Variants in FBXO34 observed in about 807,000 individuals in gnomAD.
FBXO34 encodes the protein F-box protein 34, also known as F-box only protein 34.
In FBXO34, 12 loss-of-function variants were observed where a neutral mutation model predicts 24.5. That is an observed-to-expected ratio of 0.49 (90% CI 0.31 to 0.79). The LOEUF is 0.79. Ranked by LOEUF, FBXO34 falls within the 30% of genes least tolerant of loss-of-function variation. FBXO34 has a pLI of 0.04. For synonymous variants in FBXO34, 320 were observed against 311.9 expected (o/e 1.03, Z -0.27); for missense variants, 823 against 857.7 (o/e 0.96, Z 0.51).
the FBXO34 span, among the ~76,000 whole-genome samples, chr14:55,402,963 ATAT>A: frequency 2.7e-4 from 21 of 78,330 alleles, no homozygotes; most frequent in East Asian, 3.7e-3. Flanking sequence ...ATATATATAT[ATAT>A]ATAAATAGCT....
chr14:55,398,836 C>CT, the FBXO34 span, among the ~76,000 whole-genome samples: 1 of 150,592 alleles, frequency 6.6e-6, no homozygotes, highest in Non-Finnish European at 1.5e-5. Flanking sequence ...TGGCTTGCTG[C>CT]TTAATAAGGG....
the FBXO34 span, chr14:55,428,916 A>C: frequency 6.2e-7 from 1 of 1,614,114 alleles, no homozygotes; most frequent in South Asian, 1.1e-5. Context: ...CTGGCAGGGA[A>C]CCCAAGCTTC....
At chr14:55,323,248 TAG>T (rs1883226347) in intron 1 of FBXO34, among the ~76,000 whole-genome samples, 1 of 87,790 alleles carries the variant, frequency 1.1e-5, no homozygotes, top group Non-Finnish European at 2.0e-5. Flanking sequence ...TTTTTTTTTT[TAG>T]AGACAGAGTC....
Position 55,324,374 on chromosome 14 carries a change from A to G in FBXO34, c.-10-26007A>G, listed in dbSNP as rs1033031281. On this transcript the variant is annotated intron_variant, in intron 1 of 1. Transcript: ENST00000313833. ...GAAGGGTTGTCACCACCTTTTATCT[A>G]TTCTGAGTAGTGCTGCTATAAACAT... Among the ~76,000 whole-genome samples, 4 of 152,028 alleles carry G rather than the reference A, an allele frequency of 2.6e-5. 1 individual carries two copies. Among genetic ancestry groups the G allele is most frequent in the Non-Finnish European group, 4.4e-5 (3 of 68,020 alleles).
chr14:55,342,680 A>G (rs1264419885), intron 1 of FBXO34, among the ~76,000 whole-genome samples: 1 of 151,996 alleles, frequency 6.6e-6, no homozygotes, highest in East Asian at 1.9e-4. Context: ...ATTTTTTCCA[A>G]TTTAATAGCC....
the FBXO34 span, among the ~76,000 whole-genome samples, chr14:55,405,812 A>G: frequency 6.6e-6 from 1 of 151,576 alleles, no homozygotes; most frequent in Non-Finnish European, 1.5e-5. Context: ...AAGGAAGCAT[A>G]CAGTTTAAAA....
chr14:55,423,654 A>G, the FBXO34 span, among the ~76,000 whole-genome samples: 1 of 152,254 alleles, frequency 6.6e-6, no homozygotes, highest in Non-Finnish European at 1.5e-5. Flanking sequence ...CATAACACAC[A>G]TAAATTATGT....
chr14:55,302,268 T>C (rs950312626), intron 1 of FBXO34, among the ~76,000 whole-genome samples: 1 of 152,194 alleles, frequency 6.6e-6, no homozygotes, highest in Non-Finnish European at 1.5e-5. Context: ...TTTTTTGGAA[T>C]ATATTTCTCT....
At chr14:55,306,715 C>T (rs1428788063) in intron 1 of FBXO34, among the ~76,000 whole-genome samples, 5 of 152,142 alleles carry the variant, frequency 3.3e-5, no homozygotes, top group Admixed American at 3.3e-4. Context: ...CGCCTGTAAT[C>T]CCAGCTGTTC....
Position 55,350,699 on chromosome 14 carries a change from A to T in FBXO34, c.309A>T (p.Gly103=). ...CGATCCACCAGGGCGAAGAAGAAGG[A>T]CCACTTGATATCTGGGCTGTTGTGA... ...SATIHQGEEE[G]PLDIWAVVKP... The change falls in exon 2 of 2, where the codon GGA becomes GGT. Residue 103 remains glycine, a synonymous_variant. Transcript: ENST00000313833. The T allele has an allele frequency of 6.2e-7, 1 of 1,613,654 alleles. No individual in the cohort carries two copies. Among genetic ancestry groups the T allele is most frequent in the Non-Finnish European group, 8.5e-7 (1 of 1,179,918 alleles).
At chr14:55,281,113 G>C (rs1202106317) in intron 1 of FBXO34, among the ~76,000 whole-genome samples, 13 of 151,934 alleles carry the variant, frequency 8.6e-5, no homozygotes, top group Non-Finnish European at 1.5e-4. Flanking sequence ...ATCCCTTTGG[G>C]CATGGTAGCC....
the FBXO34 span, among the ~76,000 whole-genome samples, chr14:55,409,635 G>A: frequency 1.1e-4 from 16 of 152,108 alleles, no homozygotes; most frequent in Admixed American, 7.9e-4. Flanking sequence ...ATACCACTGC[G>A]AAGGTCCTGA....
chr14:55,410,119 T>C, the FBXO34 span, among the ~76,000 whole-genome samples: 2 of 152,248 alleles, frequency 1.3e-5, no homozygotes, highest in Non-Finnish European at 2.9e-5. Context: ...GAGATTGACA[T>C]TTACTGGGTT....
At chr14:55,334,856 G>A (rs923119291) in intron 1 of FBXO34, among the ~76,000 whole-genome samples, 1 of 152,208 alleles carries the variant, frequency 6.6e-6, no homozygotes, top group Non-Finnish European at 1.5e-5. Flanking sequence ...ATTGACCACT[G>A]CTGCGCTGAG....
the FBXO34 span, among the ~76,000 whole-genome samples, chr14:55,440,022 C>G: frequency 2.0e-5 from 3 of 151,258 alleles, no homozygotes; most frequent in African/African-American, 4.9e-5. Flanking sequence ...ATCGCTTGAA[C>G]CCAGGAGGCG....
the FBXO34 span, among the ~76,000 whole-genome samples, chr14:55,402,927 ATATATAT>A: frequency 2.2e-4 from 2 of 8,920 alleles, no homozygotes; most frequent in African/African-American, 6.6e-4. Flanking sequence ...AAAAAAAAAA[ATATATAT>A]ATATATATAT....
chr14:55,318,041 G>A (rs76316126), intron 1 of FBXO34: 10 of 152,086 alleles, frequency 6.6e-5, no homozygotes, highest in African/African-American at 1.9e-4. Context: ...AATGTTCCCT[G>A]ATGCTTACCT....
At chr14:55,284,488 G>A (rs1165457031) in intron 1 of FBXO34, among the ~76,000 whole-genome samples, 3 of 146,102 alleles carry the variant, frequency 2.1e-5, no homozygotes, top group African/African-American at 5.1e-5. Flanking sequence ...CTCCAGCCTG[G>A]GCAACAAGAG....
rs775251680 is a variant in FBXO34 at position 55,351,077 on chromosome 14, C to T, written c.687C>T (p.Cys229=). ...TGCTAGCTAGCTGTTCAAAAAACTGCACAAACTCACCTGCAATTGTGAGGT... is the reference window on the plus strand; with the variant it reads ...TGCTAGCTAGCTGTTCAAAAAACTGTACAAACTCACCTGCAATTGTGAGGT... The part of the protein sequence containing the change: ...SALLASCSKN[C]TNSPAIVRFS... The change falls in exon 2 of 2, where the codon TGC becomes TGT. Residue 229 remains cysteine, a synonymous_variant. Transcript: ENST00000313833. 10 of 1,614,218 alleles carry T rather than the reference C, an allele frequency of 6.2e-6. No individual in the cohort carries two copies. The highest frequency in any genetic ancestry group is 8.5e-6 in the Non-Finnish European group (10 of 1,180,046).
Sources: gnomAD v4.1 joint callset for allele counts (sites outside exome capture counted in the v4.1 genomes callset) on GRCh38, gnomAD v4.1.1 for gene constraint, MANE v1.5 for transcripts, NCBI Gene and HGNC (gene_info 2026-07-23, HGNC 2026-07-21) for gene names.